PRPF6: variants seen among roughly 807,000 people sequenced by gnomAD.
PRPF6 encodes the protein pre-mRNA processing factor 6.
PRPF6 carries 42 observed loss-of-function variants against 118.3 expected under a neutral mutation model. That is an observed-to-expected ratio of 0.35 (90% CI 0.28 to 0.46). PRPF6 has a LOEUF of 0.46. Among genes scored for constraint, PRPF6 ranks in the 20% least tolerant of loss-of-function variants. The pLI is 1.00. For missense variants in PRPF6, 662 were observed against 1,255.7 expected, an observed-to-expected ratio of 0.53 and a Z score of 7.15; for synonymous variants, 481 against 485.1, an observed-to-expected ratio of 0.99 and a Z score of 0.11.
chr20:64,025,126 A>G (rs2059282873), intron 14 of PRPF6, among the ~76,000 whole-genome samples: 1 of 152,178 alleles, frequency 6.6e-6, no homozygotes, highest in South Asian at 2.1e-4. Flanking sequence ...TTAATAAGCT[A>G]TAGAATGCTA....
chr20:64,003,561 A>T (rs891350202), intron 9 of PRPF6, among the ~76,000 whole-genome samples: 4 of 152,146 alleles, frequency 2.6e-5, no homozygotes, highest in Non-Finnish European at 4.4e-5. Context: ...TCTTGACCGC[A>T]GCCCAGCTGC....
chr20:64,007,572 T>C (rs934733415), intron 9 of PRPF6, among the ~76,000 whole-genome samples: 1 of 151,500 alleles, frequency 6.6e-6, no homozygotes, highest in African/African-American at 2.4e-5. Flanking sequence ...GCTCAAGCGA[T>C]TCTCCCACCT....
At chr20:63,991,457 C>T (rs1440649158) in intron 3 of PRPF6, among the ~76,000 whole-genome samples, 2 of 152,014 alleles carry the variant, frequency 1.3e-5, no homozygotes, top group African/African-American at 2.4e-5. Flanking sequence ...GCAGGTGACA[C>T]GGACCCATGA....
At chr20:64,013,489 C>T (rs1039959489) in intron 11 of PRPF6, among the ~76,000 whole-genome samples, 1 of 151,946 alleles carries the variant, frequency 6.6e-6, no homozygotes, top group African/African-American at 2.4e-5. Flanking sequence ...CCGTGTTGCT[C>T]AGGCCGGAGT....
intron 12 of PRPF6, 109 bp downstream of exon 12, chr20:64,016,954 T>TAA (rs1290030361): frequency 4.7e-6 from 6 of 1,280,062 alleles, no homozygotes; most frequent in Non-Finnish European, 3.2e-6. Flanking sequence ...TTTTTTTTTT[T>TAA]AAATCTGAGA....
chr20:64,009,060 G>A (rs145130565), intron 9 of PRPF6, among the ~76,000 whole-genome samples: 177 of 152,078 alleles, frequency 1.2e-3, no homozygotes, highest in Non-Finnish European at 1.9e-3. Flanking sequence ...CGAGGCGGGC[G>A]GATCATGTGG....
In PRPF6 at chr20:64,029,511, G is replaced by C. The variant is rs1455820934; in HGVS notation, c.2546+20G>C. 5 of 1,605,284 alleles carry C rather than the reference G, an allele frequency of 3.1e-6. No homozygotes were observed. The highest frequency in any genetic ancestry group is 3.4e-6 in the Non-Finnish European group (4 of 1,172,220). ...GGCCAAGTGAGTGGGGCCCCCACAG[G>C]ATTGCTGAACCTCGGGGTCCTAATG... On this transcript the variant is annotated intron_variant, in intron 19 of 20. Transcript: ENST00000266079. This position sits in a 1 kb window ranked among gnomAD's most constrained non-coding sequence, Gnocchi z 4.8.
Position 64,032,914 on chromosome 20 carries a change from C to T in PRPF6, c.2747C>T (p.Ser916Phe). The T allele has an allele frequency of 6.2e-7, 1 of 1,613,412 alleles. No homozygotes were observed. Among genetic ancestry groups the T allele is most frequent in the Non-Finnish European group, 8.5e-7 (1 of 1,180,032 alleles). Residue 916 changes from serine to phenylalanine, a missense_variant, in exon 21 of 21, where the codon TCC becomes TTC. Transcript: ENST00000266079. ...CATGGGGAGCTGTGGTGCGCCGTGT[C>T]CAAGGACATCGCCAACTGGCAGAAG... ...PRHGELWCAV[S>F]KDIANWQKKI...
chr20:63,983,620 G>A (rs1329435586), intron 2 of PRPF6, among the ~76,000 whole-genome samples: 2 of 151,084 alleles, frequency 1.3e-5, no homozygotes, highest in Non-Finnish European at 2.9e-5. Context: ...CAGGTGTTAG[G>A]ACCACTGCCT....
chr20:64,014,665 T>TAAATA (rs970473093), intron 11 of PRPF6, among the ~76,000 whole-genome samples: 13 of 150,938 alleles, frequency 8.6e-5, no homozygotes, highest in Admixed American at 6.6e-4. Flanking sequence ...TCTCAAAAAA[T>TAAATA]AAATAAAATA....
intron 3 of PRPF6, among the ~76,000 whole-genome samples, chr20:63,988,838 C>T (rs370156263): frequency 3.3e-5 from 5 of 150,512 alleles, no homozygotes; most frequent in African/African-American, 9.8e-5. Flanking sequence ...CATTGCACTC[C>T]GGCCTGGGCA....
chr20:63,985,199 A>G (rs921546605), intron 3 of PRPF6, among the ~76,000 whole-genome samples, 174 bp downstream of exon 3: 1 of 152,106 alleles, frequency 6.6e-6, no homozygotes, highest in African/African-American at 2.4e-5. Flanking sequence ...CTTAATCTCT[A>G]CAAATAATTT....
intron 19 of PRPF6, among the ~76,000 whole-genome samples, chr20:64,030,945 G>T (rs1304709580): frequency 6.6e-6 from 1 of 152,226 alleles, no homozygotes; most frequent in Non-Finnish European, 1.5e-5. Context: ...TGAGGAGAGG[G>T]TGGCAGCAAC....
intron 19 of PRPF6, among the ~76,000 whole-genome samples, chr20:64,031,666 C>G (rs1419398057): frequency 1.4e-5 from 2 of 143,110 alleles, no homozygotes; most frequent in South Asian, 2.4e-4. Flanking sequence ...GAGCGAGACT[C>G]CTTCTCAAAA....
At position 64,028,527 on chromosome 20, in the gene PRPF6, A is replaced by G; in HGVS notation, c.2389A>G (p.Asn797Asp). The change falls in exon 18 of 21, where the codon AAT becomes GAT. Residue 797 changes from asparagine (N) to aspartate (D), a missense_variant. Coordinates refer to ENST00000266079, the MANE Select transcript of PRPF6 (RefSeq NM_012469.4). This position sits in a 1 kb window ranked among gnomAD's most constrained non-coding sequence, Gnocchi z 6.5. ...CCGTGCGGGGCTGAAGAACATCGCAAATACACTCATGGCCAAGGCGCTGCA... is the reference window on the plus strand; with the variant it reads ...CCGTGCGGGGCTGAAGAACATCGCAGATACACTCATGGCCAAGGCGCTGCA... Reference protein sequence around the residue: ...EYRAGLKNIANTLMAKALQEC... With the variant: ...EYRAGLKNIADTLMAKALQEC... 1.2e-6 allele frequency: 2 copies of G among 1,613,800 alleles called. No individual in the cohort carries two copies. The highest frequency in any genetic ancestry group is 1.7e-6 in the Non-Finnish European group (2 of 1,179,994).
intron 3 of PRPF6, 119 bp from the exon 4 acceptor site, chr20:63,993,288 T>TA: frequency 2.1e-5 from 10 of 480,728 alleles, no homozygotes; most frequent in South Asian, 5.3e-5. Context: ...ATATATATAT[T>TA]TGATTTAGCT....
chr20:64,021,758 T>C (rs912526633), intron 12 of PRPF6, among the ~76,000 whole-genome samples: 3 of 146,284 alleles, frequency 2.1e-5, no homozygotes, highest in African/African-American at 7.8e-5. Context: ...CACGTATGCA[T>C]ATGCCTCGGC....
At chr20:64,031,692 C>CA (rs375126006) in intron 19 of PRPF6, among the ~76,000 whole-genome samples, 4 of 119,060 alleles carry the variant, frequency 3.4e-5, no homozygotes, top group Non-Finnish European at 7.0e-5. Context: ...AAAAAAAAAA[C>CA]AACAAAAAAA....
In PRPF6 at chr20:63,984,921, T is replaced by C; in HGVS notation, c.255T>C (p.Ala85=). The change falls in exon 3 of 21, where the codon GCT becomes GCC. Residue 85 remains alanine (A), a synonymous_variant. Transcript: ENST00000266079. ...TTGCTTCTCAGTTTAATGGCTATGCTGGGAGCCTCTTCTCAAGTGGACCCT... is the reference window on the plus strand; with the variant it reads ...TTGCTTCTCAGTTTAATGGCTATGCCGGGAGCCTCTTCTCAAGTGGACCCT... ...DTNYDEFNGY[A]GSLFSSGPYE... is the part of the protein sequence containing the mutation. 1 of 1,613,420 alleles carries C rather than the reference T, an allele frequency of 6.2e-7. No homozygotes were observed. The highest frequency in any genetic ancestry group is 8.5e-7 in the Non-Finnish European group (1 of 1,179,514).
Sources: allele counts gnomAD v4.1 joint callset (sites outside exome capture counted in the v4.1 genomes callset), GRCh38; gene constraint gnomAD v4.1.1; non-coding constraint Gnocchi (gnomAD v3.1); transcripts MANE v1.5; gene names NCBI Gene and HGNC (gene_info 2026-07-23, HGNC 2026-07-21).